GALNT16: variants seen among roughly 807,000 people sequenced by gnomAD.
GALNT16 encodes UDP-GalNAc:polypeptide N-acetylgalactosaminyltransferase-like protein 1.
GALNT16 carries 40 observed loss-of-function variants against 76.1 expected under a neutral mutation model. That is an observed-to-expected ratio of 0.53 (90% confidence interval 0.41 to 0.68). The LOEUF is 0.68. GALNT16 is among the 30% of genes least tolerant of loss of function. The probability of loss-of-function intolerance (pLI) is 0.00; values close to 1 mark genes in which losing one functional copy is unlikely to be tolerated. For missense variants in GALNT16, 621 were observed against 731.9 expected, an observed-to-expected ratio of 0.85 and a Z score of 1.75; for synonymous variants, 276 against 285.2, an observed-to-expected ratio of 0.97 and a Z score of 0.32.
chr14:69,318,198 C>T (rs549787318), intron 1 of GALNT16, among the ~76,000 whole-genome samples: 59 of 152,290 alleles, frequency 3.9e-4, no homozygotes, highest in African/African-American at 1.4e-3. Context: ...CCACCTGGAG[C>T]GGGGTTGGAC....
At chr14:69,377,292 C>T in the GALNT16 span, among the ~76,000 whole-genome samples, 3 of 152,158 alleles carry the variant, frequency 2.0e-5, no homozygotes, top group Non-Finnish European at 4.4e-5. Context: ...TTGTCTTTTT[C>T]ATCTAGCAAA....
At chr14:69,288,654 G>A (rs2044649358) in intron 1 of GALNT16, among the ~76,000 whole-genome samples, 1 of 152,164 alleles carries the variant, frequency 6.6e-6, no homozygotes, top group African/African-American at 2.4e-5. Context: ...TGAGATTAAT[G>A]GGCCCTTCCT....
downstream of GALNT16, among the ~76,000 whole-genome samples, chr14:69,359,754 G>A (rs767176183): frequency 1.3e-4 from 20 of 152,210 alleles, no homozygotes; most frequent in South Asian, 6.2e-4. Flanking sequence ...TGGGCCAGAC[G>A]CGGTGGCTCA....
the GALNT16 span, among the ~76,000 whole-genome samples, chr14:69,371,900 T>C: frequency 3.1e-3 from 474 of 151,938 alleles, 4 homozygotes; most frequent in African/African-American, 0.011. Context: ...GCCGAGATCG[T>C]GCCACTGCAC....
chr14:69,374,645 G>A, the GALNT16 span, among the ~76,000 whole-genome samples: 68,673 of 152,076 alleles, frequency 0.45, 15,683 homozygotes, highest in Middle Eastern at 0.59. Flanking sequence ...ATTGCACATT[G>A]GAATATCCCG....
At chr14:69,364,874 G>A in the GALNT16 span, among the ~76,000 whole-genome samples, 17 of 152,198 alleles carry the variant, frequency 1.1e-4, no homozygotes, top group Admixed American at 1.0e-3. This position sits in a 1 kb window ranked among gnomAD's most constrained non-coding sequence, Gnocchi z 4.2. Flanking sequence ...CCCAGAACCT[G>A]ACCTAAGTGT....
chr14:69,328,447 T>C lies in GALNT16; in HGVS notation c.569-3T>C. On this transcript the variant is annotated splice_polypyrimidine_tract_variant and splice_region_variant and intron_variant, in intron 5 of 14. Transcript: ENST00000448469. Reference sequence around the variant, plus strand: ...CGCCAAGCCCTATCTACTCCTCTTGTAGGGCTGATCCGGTCCCGAGTGCGT... The same window carrying C: ...CGCCAAGCCCTATCTACTCCTCTTGCAGGGCTGATCCGGTCCCGAGTGCGT... 1 of 1,613,730 alleles carries C rather than the reference T, an allele frequency of 6.2e-7. No individual in the cohort carries two copies. Among genetic ancestry groups the C allele is most frequent in the Non-Finnish European group, 8.5e-7 (1 of 1,179,810 alleles).
chr14:69,283,099 G>C (rs1429214693), intron 1 of GALNT16, among the ~76,000 whole-genome samples: 1 of 152,222 alleles, frequency 6.6e-6, no homozygotes, highest in African/African-American at 2.4e-5. Context: ...GCAGATACCT[G>C]TAAATTTGTG....
the GALNT16 span, among the ~76,000 whole-genome samples, chr14:69,385,893 T>C: frequency 1.3e-5 from 2 of 152,182 alleles, no homozygotes; most frequent in African/African-American, 4.8e-5. Flanking sequence ...CATTGCTCCC[T>C]GCTCCTCCAA....
At chr14:69,322,057 C>T (rs2045195613) in intron 2 of GALNT16, among the ~76,000 whole-genome samples, 1 of 152,230 alleles carries the variant, frequency 6.6e-6, no homozygotes, top group Admixed American at 6.5e-5. Flanking sequence ...TGCCTGAAGT[C>T]CAGGGTGCTT....
chr14:69,344,739 C>A (rs995570333), intron 12 of GALNT16, among the ~76,000 whole-genome samples: 2 of 152,216 alleles, frequency 1.3e-5, no homozygotes, highest in African/African-American at 4.8e-5. Context: ...TTGCACAACA[C>A]CCTAAGCAAC....
the GALNT16 span, among the ~76,000 whole-genome samples, chr14:69,364,871 C>A: frequency 6.6e-6 from 1 of 152,076 alleles, no homozygotes; most frequent in Non-Finnish European, 1.5e-5. The surrounding 1 kb of genome is among the most constrained non-coding windows in gnomAD (Gnocchi z 4.2). Flanking sequence ...ATGCCCAGAA[C>A]CTGACCTAAG....
chr14:69,353,995 T>C lies in GALNT16; in HGVS notation c.*1827T>C, dbSNP rs2296725. 67,455 of 152,372 alleles carry C rather than the reference T, an allele frequency of 0.44. 15,162 individuals are homozygous for C. Among genetic ancestry groups the C allele is most frequent in the Middle Eastern group, 0.6 (175 of 294 alleles). 9.4% of individuals were successfully genotyped at this position (152,372 alleles called of 1,614,324 possible). Reference sequence around the variant, plus strand: ...TCTCGGCAGCACTCCCGTGCCCAAGTGCACCCCTCTGGACTTGCCAGCGCA... The same window carrying C: ...TCTCGGCAGCACTCCCGTGCCCAAGCGCACCCCTCTGGACTTGCCAGCGCA... On this transcript the variant is annotated 3_prime_UTR_variant, in exon 15 of 15. Transcript: ENST00000448469.
At chr14:69,379,826 TAAG>T in the GALNT16 span, among the ~76,000 whole-genome samples, 291 of 152,298 alleles carry the variant, frequency 1.9e-3, 2 homozygotes, top group Non-Finnish European at 1.2e-4. Flanking sequence ...TGATCAACAC[TAAG>T]AAGTTCATCT....
chr14:69,317,694 G>A (rs2045121779), intron 1 of GALNT16, among the ~76,000 whole-genome samples: 1 of 152,190 alleles, frequency 6.6e-6, no homozygotes, highest in South Asian at 2.1e-4. Flanking sequence ...CATGACTTGG[G>A]TGGAACTGCT....
intron 1 of GALNT16, among the ~76,000 whole-genome samples, chr14:69,287,422 A>G (rs1446245344): frequency 1.3e-5 from 2 of 152,232 alleles, no homozygotes; most frequent in African/African-American, 4.8e-5. Context: ...AGAAGTGTTT[A>G]TCTCCTGACG....
At position 69,281,791 on chromosome 14, in the gene GALNT16, A is replaced by G. The variant is rs1011986512; in HGVS notation, c.177+21324A>G. Among the ~76,000 whole-genome samples the G allele has an allele frequency of 2.6e-5, 4 of 152,180 alleles. No homozygotes were observed. The South Asian group carries it at 8.3e-4, about 32-fold the overall frequency. On this transcript the variant is annotated intron_variant, in intron 1 of 14. Coordinates refer to ENST00000448469, the MANE Select transcript of GALNT16 (RefSeq NM_001168368.2). ...CTGATATTTTACAAGCCTGTATTGA[A>G]GAACCCAATACAGTCTCCCATTACT...
intron 1 of GALNT16, among the ~76,000 whole-genome samples, chr14:69,268,073 T>C (rs1464241407): frequency 3.3e-5 from 5 of 152,220 alleles, no homozygotes; most frequent in Admixed American, 3.3e-4. Flanking sequence ...CATTGTCTGA[T>C]GGAGCTACGC....
intron 1 of GALNT16, among the ~76,000 whole-genome samples, chr14:69,313,370 G>A (rs555581266): frequency 4.4e-4 from 67 of 152,356 alleles, no homozygotes; most frequent in African/African-American, 9.4e-4. Context: ...GGCAAAGGGC[G>A]GGAAATGGAG....
Sources: allele counts gnomAD v4.1 joint callset (sites outside exome capture counted in the v4.1 genomes callset), GRCh38; gene constraint gnomAD v4.1.1; non-coding constraint Gnocchi (gnomAD v3.1); transcripts MANE v1.5; gene names NCBI Gene and HGNC (gene_info 2026-07-23, HGNC 2026-07-21).